Variants in GABPB1 observed in about 807,000 individuals in gnomAD.
The protein encoded by GABPB1 is GA-binding protein subunit beta-1.
Under a neutral mutation model 45.9 loss-of-function variants are expected in GABPB1, and 15 were observed. The ratio of observed to expected loss-of-function variants is 0.33; its 90% CI spans 0.22 to 0.50. GABPB1 has a LOEUF of 0.50. Among genes scored for constraint, GABPB1 ranks in the 20% least tolerant of loss-of-function variants. GABPB1 has a pLI of 0.98. For synonymous variants in GABPB1, 143 were observed against 154.4 expected, an observed-to-expected ratio of 0.93 and a Z score of 0.55; for missense variants, 252 against 457.5, an observed-to-expected ratio of 0.55 and a Z score of 4.10.
At chr15:50,322,291 T>C (rs548672913) in intron 1 of GABPB1, among the ~76,000 whole-genome samples, 2 of 152,048 alleles carry the variant, frequency 1.3e-5, no homozygotes, top group South Asian at 2.1e-4. Context: ...CAGTGACTCA[T>C]ACCTGTAATC....
intron 6 of GABPB1, among the ~76,000 whole-genome samples, chr15:50,295,284 C>CT (rs1354776528): frequency 6.6e-6 from 1 of 152,130 alleles, no homozygotes; most frequent in African/African-American, 2.4e-5. Flanking sequence ...TTTTAAAGTC[C>CT]TATATAATCT....
At chr15:50,348,042 G>GAAAAAAA (rs2048662425) in intron 1 of GABPB1, among the ~76,000 whole-genome samples, 2 of 24,778 alleles carry the variant, frequency 8.1e-5, no homozygotes, top group Admixed American at 4.4e-4. Context: ...AACTCCATCT[G>GAAAAAAA]GAAAAAAAAA....
chr15:50,295,854 G>GCAC (rs2046491824), intron 6 of GABPB1, among the ~76,000 whole-genome samples: 1 of 140,154 alleles, frequency 7.1e-6, no homozygotes, highest in African/African-American at 2.4e-5. Flanking sequence ...TAATCATCAA[G>GCAC]CACTGACAAC....
At chr15:50,354,708 G>A (rs1342830254) in intron 1 of GABPB1, 2 of 328,040 alleles carry the variant, frequency 6.1e-6, no homozygotes, top group Non-Finnish European at 1.2e-5. Flanking sequence ...CTAGGGCCGA[G>A]GAGGGGGCGG....
rs1206393413 is a variant in GABPB1, at chr15:50,275,426, T to C, written c.*3206A>G. The C allele has an allele frequency of 6.6e-6, 1 of 152,246 alleles. No homozygotes were observed. The highest frequency in any genetic ancestry group is 1.5e-5 in the Non-Finnish European group (1 of 68,038). The allele number at this position is 152,246 out of a possible 1,614,324, so 9.4% of individuals were successfully genotyped here. On this transcript the variant is annotated 3_prime_UTR_variant, in exon 9 of 9. Transcript: ENST00000380877. ...TCTTTTTATTACAAACAAGTACAGATGCTCTCTGGCTTGCAATGGGGTTAT... is the reference window on the plus strand; with the variant it reads ...TCTTTTTATTACAAACAAGTACAGACGCTCTCTGGCTTGCAATGGGGTTAT...
intron 8 of GABPB1, chr15:50,285,752 T>A: frequency 9.5e-7 from 1 of 1,051,152 alleles, no homozygotes; most frequent in Non-Finnish European, 1.2e-6. Flanking sequence ...TATACTGGTA[T>A]TTTCCTTTAG....
intron 6 of GABPB1, among the ~76,000 whole-genome samples, chr15:50,296,895 TAACTTA>T (rs1416295796): frequency 6.6e-6 from 1 of 150,456 alleles, no homozygotes; most frequent in African/African-American, 2.4e-5. Flanking sequence ...ACTTAAACTT[TAACTTA>T]ATTCTTTTTT....
At chr15:50,307,865 C>T (rs2047000360) in intron 2 of GABPB1, among the ~76,000 whole-genome samples, 2 of 152,074 alleles carry the variant, frequency 1.3e-5, no homozygotes, top group Admixed American at 1.3e-4. Flanking sequence ...CAGCAATTAC[C>T]TCTTTGAATT....
chr15:50,331,305 T>C (rs906594990), intron 1 of GABPB1, among the ~76,000 whole-genome samples: 4 of 152,222 alleles, frequency 2.6e-5, no homozygotes, highest in African/African-American at 7.2e-5. Context: ...CGAGAGTGTG[T>C]AGAACCCTTA....
At chr15:50,334,505 C>CTTTTTT (rs60433481) in intron 1 of GABPB1, among the ~76,000 whole-genome samples, 14 of 109,370 alleles carry the variant, frequency 1.3e-4, no homozygotes, top group African/African-American at 1.5e-4. Flanking sequence ...TCTTTTTTTC[C>CTTTTTT]TTTTTTTTTT....
intron 1 of GABPB1, among the ~76,000 whole-genome samples, chr15:50,310,330 T>G (rs2047087268): frequency 6.6e-6 from 1 of 152,178 alleles, no homozygotes; most frequent in South Asian, 2.1e-4. Context: ...TGACCTCAAA[T>G]GATCTGCCCG....
chr15:50,278,489 C>T lies in GABPB1; in HGVS notation c.*143G>A. 2.0e-6 allele frequency: 1 copy of T among 503,626 alleles called. No homozygotes were observed. The highest frequency in any genetic ancestry group is 3.3e-6 in the Non-Finnish European group (1 of 300,102). 31.2% of individuals were successfully genotyped at this position (503,626 alleles called of 1,614,324 possible). A position where few individuals can be genotyped will look rare whatever the true frequency, so the allele number is the denominator to read the frequency against. On this transcript the variant is annotated 3_prime_UTR_variant, in exon 9 of 9. Transcript: ENST00000380877. ...AGTAAAGTTTTATGTTACAAGAACTCAGAGCTCATGGCTTAAGTCCAATTA... is the reference window on the plus strand; with the variant it reads ...AGTAAAGTTTTATGTTACAAGAACTTAGAGCTCATGGCTTAAGTCCAATTA...
Position 50,276,137 on chromosome 15 carries a change from C to G in GABPB1, c.*2495G>C, listed in dbSNP as rs1300837040. ...TCACACATATGTGGAAACAATTAAC[C>G]AGTGATGTGGCAACCAGATGACTGC... On this transcript the variant is annotated 3_prime_UTR_variant, in exon 9 of 9. Coordinates refer to ENST00000380877, the MANE Select transcript of GABPB1 (RefSeq NM_016654.5). The G allele has an allele frequency of 6.6e-6, 1 of 152,206 alleles. No individual in the cohort carries two copies. The highest frequency in any genetic ancestry group is 1.5e-5 in the Non-Finnish European group (1 of 68,042). 9.4% of individuals were successfully genotyped at this position (152,206 alleles called of 1,614,324 possible).
At chr15:50,278,819 T>G in intron 8 of GABPB1, 35 bp from the exon 9 acceptor site, 3 of 1,548,652 alleles carry the variant, frequency 1.9e-6, no homozygotes, top group Non-Finnish European at 2.6e-6. Context: ...TTTTAATTTT[T>G]GCAAAAATAC....
At chr15:50,324,511 T>C (rs10163050) in intron 1 of GABPB1, among the ~76,000 whole-genome samples, 82,989 of 149,672 alleles carry the variant, frequency 0.55, 23,839 homozygotes, top group Middle Eastern at 0.66. Context: ...AGTGATCCAA[T>C]GCCCTGAATG....
chr15:50,297,215 CTT>C (rs1555508265), intron 6 of GABPB1, among the ~76,000 whole-genome samples: 1 of 40,350 alleles, frequency 2.5e-5, no homozygotes, highest in Non-Finnish European at 7.6e-5. Flanking sequence ...CCACCCATTA[CTT>C]CTTTTTTTTT....
chr15:50,326,266 C>G (rs1272964297), intron 1 of GABPB1, among the ~76,000 whole-genome samples: 1 of 152,200 alleles, frequency 6.6e-6, no homozygotes, highest in Non-Finnish European at 1.5e-5. Flanking sequence ...ATAATCCCAG[C>G]ATTTTGGAAA....
intron 6 of GABPB1, 111 bp from the exon 7 acceptor site, chr15:50,289,779 C>A: frequency 1.4e-6 from 1 of 737,216 alleles, no homozygotes; most frequent in South Asian, 2.0e-5. Flanking sequence ...TTTCTTTTTT[C>A]TTTTTTAAAT....
At chr15:50,340,021 T>A (rs1192573820) in intron 1 of GABPB1, among the ~76,000 whole-genome samples, 1 of 152,138 alleles carries the variant, frequency 6.6e-6, no homozygotes, top group African/African-American at 2.4e-5. Context: ...AACCCCAAGG[T>A]GATGGTATTA....
Sources: gnomAD v4.1 joint callset for allele counts (sites outside exome capture counted in the v4.1 genomes callset) on GRCh38, gnomAD v4.1.1 for gene constraint, MANE v1.5 for transcripts, NCBI Gene and HGNC (gene_info 2026-07-23, HGNC 2026-07-21) for gene names.